POLDIP3: variants seen among roughly 807,000 people sequenced by gnomAD.
POLDIP3 encodes DNA polymerase delta interacting protein 3.
POLDIP3 carries 14 observed loss-of-function variants against 45.1 expected under a neutral mutation model. That is an observed-to-expected ratio of 0.31 (90% confidence interval 0.20 to 0.49). The LOEUF is 0.49. POLDIP3 is among the 20% of genes least tolerant of loss of function. The pLI is 0.99. For missense variants in POLDIP3, 511 were observed against 538.8 expected, an observed-to-expected ratio of 0.95 and a Z score of 0.51; for synonymous variants, 223 against 205.2, an observed-to-expected ratio of 1.09 and a Z score of -0.74.
At position 42,593,357 on chromosome 22, in the gene POLDIP3, A is replaced by G. The variant is rs148250034; in HGVS notation, c.892-1273T>C. On this transcript the variant is annotated intron_variant, in intron 6 of 8. Transcript: ENST00000252115. The stretch of plus-strand genomic sequence containing the variant: ...CTTTTAACATTGCCTATTTGGGTAG[A>G]AGAGAAGCGAGGGTGATTATTACTA... Among the ~76,000 whole-genome samples the G allele has an allele frequency of 2.4e-3, 359 of 152,254 alleles. 2 individuals carry two copies. Among genetic ancestry groups the G allele is most frequent in the African/African-American group, 8.1e-3 (337 of 41,556 alleles).
intron 1 of POLDIP3, among the ~76,000 whole-genome samples, chr22:42,610,761 C>G (rs903798564): frequency 2.0e-5 from 3 of 152,140 alleles, no homozygotes; most frequent in African/African-American, 4.8e-5. Context: ...AAATAATTAG[C>G]CAGGCATGAT....
intron 2 of POLDIP3, 40 bp from the exon 3 acceptor site, chr22:42,602,096 C>A: frequency 1.2e-6 from 2 of 1,613,504 alleles, no homozygotes; most frequent in Non-Finnish European, 1.7e-6. Flanking sequence ...CCACAGGGTC[C>A]ACATGCATTC....
chr22:42,605,885 T>C (rs1308678633), intron 1 of POLDIP3, among the ~76,000 whole-genome samples: 1 of 152,212 alleles, frequency 6.6e-6, no homozygotes, highest in East Asian at 1.9e-4. Context: ...CTCACACCTG[T>C]AATCCCAGCA....
intron 1 of POLDIP3, among the ~76,000 whole-genome samples, chr22:42,609,381 T>G (rs1274572210): frequency 6.6e-6 from 1 of 152,210 alleles, no homozygotes; most frequent in Non-Finnish European, 1.5e-5. Context: ...GCAAGAGCGC[T>G]GCTGGCAGGT....
chr22:42,601,989 T>A lies in POLDIP3; in HGVS notation c.518A>T (p.Asn173Ile). 6.2e-7 allele frequency: 1 copy of A among 1,614,118 alleles called. No homozygotes were observed. Among genetic ancestry groups the A allele is most frequent in the East Asian group, 2.2e-5 (1 of 44,880 alleles). The change falls in exon 3 of 9, where the codon AAT becomes ATT. Residue 173 changes from asparagine to isoleucine, a missense_variant. Asn to Ile is a moderately radical substitution (Grantham distance 149). Coordinates refer to ENST00000252115, the MANE Select transcript of POLDIP3 (RefSeq NM_032311.5). ...CTCTACCTGTTTGGCCTGGTGGTTA[T>A]TGACAACATTGATTCTCATTCCGGC... is the stretch of plus-strand genomic sequence containing the variant. ...HPAGMRINVV[N>I]NHQAKQNLYD...
chr22:42,590,979 C>A (rs1251349074), intron 7 of POLDIP3, among the ~76,000 whole-genome samples: 1 of 151,882 alleles, frequency 6.6e-6, no homozygotes, highest in Admixed American at 6.6e-5. Context: ...GAGGCTGAGG[C>A]AGGAAAGCCG....
chr22:42,596,604 G>GCTA (rs1343071401), intron 4 of POLDIP3, among the ~76,000 whole-genome samples: 2 of 152,178 alleles, frequency 1.3e-5, no homozygotes, highest in African/African-American at 4.8e-5. Flanking sequence ...TCCCCACAGT[G>GCTA]CTAGAAGCTC....
At position 42,596,553 on chromosome 22, in the gene POLDIP3, G is replaced by A. The variant is rs1367016427; in HGVS notation, c.634-188C>T. Among the ~76,000 whole-genome samples the A allele has an allele frequency of 1.3e-5, 2 of 152,118 alleles. 1 individual carries two copies. Among genetic ancestry groups the A allele is most frequent in the East Asian group, 3.9e-4 (2 of 5,194 alleles). ...ATCCCATAGGGAAGGGGCAGGGGGA[G>A]AGAAAAACACACAGCCTGAACGCGC... On this transcript the variant is annotated intron_variant, in intron 4 of 8. Transcript: ENST00000252115.
At position 42,585,102 on chromosome 22, in the gene POLDIP3, A is replaced by T. The variant is rs1449577077; in HGVS notation, c.*689T>A. On this transcript the variant is annotated 3_prime_UTR_variant, in exon 9 of 9. Transcript: ENST00000252115. ...ATTCAGCACAACTCAAGGAAAAGGGAAAGGTGAACTCTGGAGAACTTCCTC... is the reference window on the plus strand; with the variant it reads ...ATTCAGCACAACTCAAGGAAAAGGGTAAGGTGAACTCTGGAGAACTTCCTC... The T allele has an allele frequency of 9.1e-6, 4 of 439,374 alleles. No individual in the cohort carries two copies. The highest frequency in any genetic ancestry group is 1.8e-5 in the Non-Finnish European group (4 of 219,552). The allele number at this position is 439,374 out of a possible 1,614,324, so 27.2% of individuals were successfully genotyped here.
chr22:42,586,613 G>T (rs1470150817), intron 8 of POLDIP3, among the ~76,000 whole-genome samples: 1 of 152,196 alleles, frequency 6.6e-6, no homozygotes, highest in Non-Finnish European at 1.5e-5. Context: ...TAGCCCAGTA[G>T]TTCCCAAACT....
chr22:42,592,104 T>A lies in POLDIP3; in HGVS notation c.892-20A>T. Reference sequence around the variant, plus strand: ...AAGCTCCTGCACACAACAAGAGGGGTTGGGATTGGGGAAGGATTTCTCAGC... The same window carrying A: ...AAGCTCCTGCACACAACAAGAGGGGATGGGATTGGGGAAGGATTTCTCAGC... On this transcript the variant is annotated intron_variant, in intron 6 of 8. Coordinates refer to ENST00000252115, the MANE Select transcript of POLDIP3 (RefSeq NM_032311.5). 1 of 1,613,144 alleles carries A rather than the reference T, an allele frequency of 6.2e-7. No homozygotes were observed. The highest frequency in any genetic ancestry group is 8.5e-7 in the Non-Finnish European group (1 of 1,179,564).
chr22:42,587,735 C>T (rs371667635), intron 7 of POLDIP3, among the ~76,000 whole-genome samples, 163 bp from the exon 8 acceptor site: 11 of 152,148 alleles, frequency 7.2e-5, no homozygotes, highest in African/African-American at 2.7e-4. Flanking sequence ...AAGCCAGACA[C>T]TAAGAAAATC....
At chr22:42,596,141 C>A in intron 5 of POLDIP3, 45 bp downstream of exon 5, 1 of 1,590,562 alleles carries the variant, frequency 6.3e-7, no homozygotes, top group Non-Finnish European at 8.6e-7. Flanking sequence ...TATAAGCATA[C>A]AGCCCTCCTG....
intron 1 of POLDIP3, among the ~76,000 whole-genome samples, chr22:42,605,788 G>C (rs961114720): frequency 7.2e-5 from 11 of 152,284 alleles, no homozygotes; most frequent in African/African-American, 2.6e-4. Flanking sequence ...CCTAGGCTTC[G>C]TGTTCCATGG....
chr22:42,589,470 A>G (rs1569295706), intron 7 of POLDIP3, among the ~76,000 whole-genome samples: 1 of 152,176 alleles, frequency 6.6e-6, no homozygotes, highest in East Asian at 1.9e-4. Flanking sequence ...AGAACCTCAA[A>G]TATATAAAAT....
chr22:42,585,889 G>C lies in POLDIP3; in HGVS notation c.1168C>G (p.Pro390Ala). 3 of 1,613,470 alleles carry C rather than the reference G, an allele frequency of 1.9e-6. No homozygotes were observed. The highest frequency in any genetic ancestry group is 8.5e-7 in the Non-Finnish European group (1 of 1,179,984). Residue 390 changes from proline (P) to alanine (A), a missense_variant, in exon 9 of 9, where the codon CCT becomes GCT. Physicochemically the swap from Pro to Ala is conservative, Grantham distance 27 (BLOSUM62 -1). Coordinates refer to ENST00000252115, the MANE Select transcript of POLDIP3 (RefSeq NM_032311.5). ...RVNSASSSNP[P>A]AEVDPDTILK... The stretch of plus-strand genomic sequence containing the variant: ...ATGGTGTCAGGGTCCACTTCGGCAG[G>C]GGGGTTGGAGGAGGAGGCAGAGTTC...
chr22:42,614,486 C>T (rs1569308832), intron 1 of POLDIP3, among the ~76,000 whole-genome samples: 1 of 152,202 alleles, frequency 6.6e-6, no homozygotes. Flanking sequence ...GGCAAGGAGG[C>T]TGCGCCGCCG....
intron 4 of POLDIP3, among the ~76,000 whole-genome samples, chr22:42,597,121 C>A (rs997135870): frequency 6.6e-6 from 1 of 152,252 alleles, no homozygotes; most frequent in African/African-American, 2.4e-5. Flanking sequence ...CAGGGACACT[C>A]GGGCATTTGG....
chr22:42,603,171 A>C lies in POLDIP3; in HGVS notation c.60-11T>G, dbSNP rs764913223. 29 of 1,611,744 alleles carry C rather than the reference A, an allele frequency of 1.8e-5. No individual in the cohort carries two copies. The highest frequency in any genetic ancestry group is 2.5e-5 in the Non-Finnish European group (29 of 1,178,252). ...GGTCTGGCATTAAGCCTGTAAATATAAATTGCAATCAATATTAAGTGGATC... is the reference window on the plus strand; with the variant it reads ...GGTCTGGCATTAAGCCTGTAAATATCAATTGCAATCAATATTAAGTGGATC... On this transcript the variant is annotated splice_polypyrimidine_tract_variant and intron_variant, in intron 1 of 8. Coordinates refer to ENST00000252115, the MANE Select transcript of POLDIP3 (RefSeq NM_032311.5).
Sources: allele counts gnomAD v4.1 joint callset (sites outside exome capture counted in the v4.1 genomes callset), GRCh38; gene constraint gnomAD v4.1.1; transcripts MANE v1.5; gene names NCBI Gene and HGNC (gene_info 2026-07-23, HGNC 2026-07-21).